The following CAMKK2 variants were observed in gnomAD, a reference collection of about 807,000 sequenced individuals.
CAMKK2 encodes calcium/calmodulin dependent protein kinase kinase 2.
CAMKK2 carries 30 observed loss-of-function variants against 67.2 expected under a neutral mutation model. That is an observed-to-expected ratio of 0.45 (90% CI 0.33 to 0.61). The LOEUF is 0.61. Among genes scored for constraint, CAMKK2 ranks in the 20% least tolerant of loss-of-function variants. The pLI is 0.02. For synonymous variants in CAMKK2, 322 were observed against 326.2 expected, an observed-to-expected ratio of 0.99 and a Z score of 0.14; for missense variants, 643 against 802.0, an observed-to-expected ratio of 0.80 and a Z score of 2.39.
intron 1 of CAMKK2, among the ~76,000 whole-genome samples, chr12:121,288,839 T>C (rs1899339143): frequency 7.3e-6 from 1 of 136,630 alleles, no homozygotes; most frequent in Non-Finnish European, 1.6e-5. Flanking sequence ...GCCACCAGGA[T>C]AAAAAGAGGC....
chr12:121,293,914 G>A (rs1341008010), intron 1 of CAMKK2, among the ~76,000 whole-genome samples: 1 of 151,650 alleles, frequency 6.6e-6, no homozygotes, highest in Non-Finnish European at 1.5e-5. Flanking sequence ...GGCATTTGGG[G>A]GAGGGTGATT....
rs149003548 is a variant in CAMKK2 at position 121,288,705 on chromosome 12, C to T, written c.-60+7933G>A. 7.3e-3 allele frequency among the ~76,000 whole-genome samples: 1,105 copies of T among 152,226 alleles called. 8 individuals are homozygous for T. The highest frequency in any genetic ancestry group is 0.013 in the Non-Finnish European group (910 of 68,020). On this transcript the variant is annotated intron_variant, in intron 1 of 16. Transcript: ENST00000404169. ...TGCCTAAGCCACGTGGGCAGAGGGGCAACACCTTGGCCTCCCCACTGACTC... is the reference window on the plus strand; with the variant it reads ...TGCCTAAGCCACGTGGGCAGAGGGGTAACACCTTGGCCTCCCCACTGACTC...
chr12:121,253,197 T>G lies in CAMKK2; in HGVS notation c.1107+76A>C. On this transcript the variant is annotated intron_variant, in intron 10 of 16. Coordinates refer to ENST00000404169, the MANE Select transcript of CAMKK2 (RefSeq NM_001270485.2). This position sits in a 1 kb window ranked among gnomAD's most constrained non-coding sequence, Gnocchi z 5.0. ...GATTCACTGTTTAAGCCTGTGTGCG[T>G]TGGGTTTCTGCTGCTTACAATCCAG... 2 of 1,301,902 alleles carry G rather than the reference T, an allele frequency of 1.5e-6. No individual in the cohort carries two copies. Among genetic ancestry groups the G allele is most frequent in the Non-Finnish European group, 2.2e-6 (2 of 905,596 alleles). The allele number at this position is 1,301,902 out of a possible 1,614,324, so 80.6% of individuals were successfully genotyped here. A position where few individuals can be genotyped will look rare whatever the true frequency, so the allele number is the denominator to read the frequency against.
At chr12:121,292,787 G>T (rs1191802184) in intron 1 of CAMKK2, among the ~76,000 whole-genome samples, 3 of 152,058 alleles carry the variant, frequency 2.0e-5, no homozygotes, top group Admixed American at 6.6e-5. Context: ...GGGCAAAATA[G>T]TAAGACCCTG....
In CAMKK2 at chr12:121,274,424, C is replaced by T. The variant is rs1360059984; in HGVS notation, c.103G>A (p.Glu35Lys). ...AAGGATGAGAGGCCCCGCAGGGCCT[C>T]ACAGGGCTTCTGGCTTTCGCTGCTG... ...SSSSESQKPC[E>K]ALRGLSSLSI... The change falls in exon 2 of 17, where the codon GAG becomes AAG. Residue 35 changes from glutamate (E) to lysine (K), a missense_variant. Physicochemically the swap from Glu to Lys is moderately conservative, Grantham distance 56. Around this residue, in one of 3 missense-constraint regions of CAMKK2, gnomAD observed 483 missense variants for 625.8 expected, o/e 0.77. Coordinates refer to ENST00000404169, the MANE Select transcript of CAMKK2 (RefSeq NM_001270485.2). 6.2e-7 allele frequency: 1 copy of T among 1,613,166 alleles called. No individual in the cohort carries two copies. Among genetic ancestry groups the T allele is most frequent in the African/African-American group, 1.3e-5 (1 of 74,956 alleles).
At chr12:121,260,612 G>A in intron 6 of CAMKK2, 1 of 546,478 alleles carries the variant, frequency 1.8e-6, no homozygotes, top group Non-Finnish European at 3.2e-6. Context: ...GCAAAAGGGA[G>A]GGGCCAAAAT....
In CAMKK2 at chr12:121,253,266, A is replaced by C; in HGVS notation, c.1107+7T>G. On this transcript the variant is annotated splice_region_variant and intron_variant, in intron 10 of 16. Transcript: ENST00000404169. This position sits in a 1 kb window ranked among gnomAD's most constrained non-coding sequence, Gnocchi z 5.0. ...GAACTCTGTGGCTGAGGCAGGCCCAAGCTTACCTTCCCAGAGAAGATCTTG... is the reference window on the plus strand; with the variant it reads ...GAACTCTGTGGCTGAGGCAGGCCCACGCTTACCTTCCCAGAGAAGATCTTG... 1 of 1,613,894 alleles carries C rather than the reference A, an allele frequency of 6.2e-7. No individual in the cohort carries two copies. Among genetic ancestry groups the C allele is most frequent in the South Asian group, 1.1e-5 (1 of 91,084 alleles).
chr12:121,291,187 C>T (rs181545999), intron 1 of CAMKK2, among the ~76,000 whole-genome samples: 28 of 152,160 alleles, frequency 1.8e-4, no homozygotes, highest in Admixed American at 1.6e-3. Flanking sequence ...AAGGGAATCC[C>T]GAAAACCTTG....
chr12:121,265,700 A>C (rs1158029280), intron 5 of CAMKK2, among the ~76,000 whole-genome samples: 1 of 152,072 alleles, frequency 6.6e-6, no homozygotes, highest in Non-Finnish European at 1.5e-5. Context: ...TCTACTAAAA[A>C]TACAAAAATT....
chr12:121,253,974 A>G lies in CAMKK2; in HGVS notation c.908-502T>C, dbSNP rs1362832322. ...ACTCCTCCTGGCTGGATATCAGCCC[A>G]TGGTACAGGACAGTTCTATGGCCTG... On this transcript the variant is annotated intron_variant, in intron 9 of 16. Transcript: ENST00000404169. This position sits in a 1 kb window ranked among gnomAD's most constrained non-coding sequence, Gnocchi z 5.0. 1.3e-5 allele frequency among the ~76,000 whole-genome samples: 2 copies of G among 152,234 alleles called. No homozygotes were observed. The highest frequency in any genetic ancestry group is 2.1e-4 in the South Asian group (1 of 4,828).
intron 16 of CAMKK2, among the ~76,000 whole-genome samples, chr12:121,243,039 G>A (rs1055947180): frequency 4.6e-5 from 7 of 150,674 alleles, no homozygotes; most frequent in African/African-American, 1.7e-4. Flanking sequence ...ACCGCGCCCA[G>A]CCTTTTTTTT....
chr12:121,255,708 C>G, intron 8 of CAMKK2, 70 bp from the exon 9 acceptor site: 4 of 1,603,274 alleles, frequency 2.5e-6, no homozygotes, highest in Non-Finnish European at 3.4e-6. Flanking sequence ...ATGAGCAGAG[C>G]CCAGTGGCAC....
intron 3 of CAMKK2, among the ~76,000 whole-genome samples, chr12:121,270,588 C>A (rs550472169): frequency 6.6e-6 from 1 of 152,024 alleles, no homozygotes; most frequent in Non-Finnish European, 1.5e-5. Flanking sequence ...TTAGCTAAAA[C>A]AAAAGCAAAA....
Position 121,266,500 on chromosome 12 carries a change from T to G in CAMKK2, c.625+2138A>C, listed in dbSNP as rs1028731277. On this transcript the variant is annotated intron_variant, in intron 5 of 16. Transcript: ENST00000404169. ...ACCAGGGTCCTACTGTTAGGATGGGTTTTTTTTTTTTTTTGAGATGGAGTC... is the reference window on the plus strand; with the variant it reads ...ACCAGGGTCCTACTGTTAGGATGGGGTTTTTTTTTTTTTTGAGATGGAGTC... Among the ~76,000 whole-genome samples, 12 of 41,364 alleles carry G rather than the reference T, an allele frequency of 2.9e-4. No individual in the cohort carries two copies. In the African/African-American group the frequency reaches 3.1e-3, roughly 11 times the overall value. The allele number at this position is 41,364 out of a possible 152,430, so 27.1% of individuals were successfully genotyped here.
rs1438061674 is a variant in CAMKK2, at chr12:121,243,231, C to A, written c.1596+1342G>T. ...TATTTTTAGTAGAGACGGGGTTTCA[C>A]CATATTGGCCAGGCTGGTCTCAAAC... On this transcript the variant is annotated intron_variant, in intron 16 of 16. Coordinates refer to ENST00000404169, the MANE Select transcript of CAMKK2 (RefSeq NM_001270485.2). 2.0e-5 allele frequency among the ~76,000 whole-genome samples: 3 copies of A among 151,574 alleles called. No homozygotes were observed. The East Asian group carries it at 5.8e-4, about 29-fold the overall frequency.
At chr12:121,268,083 C>CATATATATATATATATATATAT (rs71850101) in intron 5 of CAMKK2, among the ~76,000 whole-genome samples, 1,323 of 96,828 alleles carry the variant, frequency 0.014, 118 homozygotes, top group African/African-American at 0.038. Flanking sequence ...CCATTGGATG[C>CATATATATATATATATATATAT]ATATATATAT....
At chr12:121,291,671 T>TG (rs774458111) in intron 1 of CAMKK2, among the ~76,000 whole-genome samples, 1 of 152,196 alleles carries the variant, frequency 6.6e-6, no homozygotes, top group African/African-American at 2.4e-5. Flanking sequence ...AGGTTTCCTC[T>TG]GGGGGTGATG....
chr12:121,264,813 C>A lies in CAMKK2; in HGVS notation c.626-874G>T, dbSNP rs572864659. Among the ~76,000 whole-genome samples, 43 of 126,630 alleles carry A rather than the reference C, an allele frequency of 3.4e-4. 1 individual carries two copies. In the South Asian group the frequency reaches 0.011, roughly 32 times the overall value. The allele number at this position is 126,630 out of a possible 152,430, so 83.1% of individuals were successfully genotyped here. A position where few individuals can be genotyped will look rare whatever the true frequency, so the allele number is the denominator to read the frequency against. ...TAATAATAATAATAATAATAATAAT[C>A]ACAAAAAATTAGTCAGGTATGGTGG... On this transcript the variant is annotated intron_variant, in intron 5 of 16. Transcript: ENST00000404169.
At chr12:121,263,255 G>GGTTT (rs36166949) in intron 6 of CAMKK2, among the ~76,000 whole-genome samples, 245 of 151,280 alleles carry the variant, frequency 1.6e-3, no homozygotes, top group Non-Finnish European at 2.2e-3. Context: ...CCCTCTGTCT[G>GGTTT]GTTTGTTTGT....
Sources: gnomAD v4.1 joint callset for allele counts (sites outside exome capture counted in the v4.1 genomes callset) on GRCh38, gnomAD v4.1.1 for gene constraint, gnomAD v4.1.1 regional missense constraint, Gnocchi (gnomAD v3.1) non-coding constraint, MANE v1.5 for transcripts, NCBI Gene and HGNC (gene_info 2026-07-23, HGNC 2026-07-21) for gene names.